MTNR1B: variants seen among roughly 807,000 people sequenced by gnomAD.
MTNR1B encodes the protein melatonin receptor 1B.
MTNR1B carries 7 observed loss-of-function variants against 7.0 expected under a neutral mutation model. The observed-to-expected ratio is 1.00, with a 90% confidence interval of 0.57 to 1.88. The LOEUF is 1.88. Among genes scored for constraint, MTNR1B ranks in the 40% most tolerant of loss-of-function variants. The pLI, the probability that MTNR1B is intolerant of heterozygous loss-of-function variation, is 0.00. For synonymous variants in MTNR1B, 226 were observed against 208.2 expected (o/e 1.09, Z -0.74); for missense variants, 478 against 486.5 (o/e 0.98, Z 0.16).
intron 1 of MTNR1B, among the ~76,000 whole-genome samples, chr11:92,981,043 C>CT (rs1858094787): frequency 6.6e-6 from 1 of 152,190 alleles, no homozygotes; most frequent in South Asian, 2.1e-4. Context: ...GAGAAATCCA[C>CT]ACTCCTGACT....
chr11:92,976,957 C>CT (rs1858017717), intron 1 of MTNR1B, among the ~76,000 whole-genome samples: 1 of 152,338 alleles, frequency 6.6e-6, no homozygotes, highest in East Asian at 1.9e-4. Flanking sequence ...TAAAACTATA[C>CT]TATCAACTTC....
chr11:92,976,269 G>A (rs998569856), intron 1 of MTNR1B, among the ~76,000 whole-genome samples: 22 of 152,250 alleles, frequency 1.4e-4, no homozygotes, highest in African/African-American at 4.8e-4. Flanking sequence ...AGTAGAGATA[G>A]AGAATTGGGA....
intron 1 of MTNR1B, among the ~76,000 whole-genome samples, chr11:92,970,963 A>T (rs1035035333): frequency 2.0e-5 from 3 of 148,016 alleles, no homozygotes; most frequent in Non-Finnish European, 3.0e-5. Context: ...GACTCTAGAA[A>T]TTTTTTTTTT....
chr11:92,969,982 C>G (rs77542877), intron 1 of MTNR1B, 34 bp downstream of exon 1: 1 of 1,563,576 alleles, frequency 6.4e-7, no homozygotes, highest in Non-Finnish European at 8.7e-7. Flanking sequence ...GTGCTGGCAT[C>G]GGGCCCTTCC....
chr11:92,972,734 T>G (rs767276515), intron 1 of MTNR1B: 2 of 351,502 alleles, frequency 5.7e-6, no homozygotes, highest in Non-Finnish European at 5.6e-6. Context: ...GTTGAGAACT[T>G]TCCCTCCTGG....
rs748955086 is a variant in MTNR1B at position 92,969,767 on chromosome 11, C to A, written c.42C>A (p.Gly14=). 1 of 1,517,478 alleles carries A rather than the reference C, an allele frequency of 6.6e-7. No individual in the cohort carries two copies. The highest frequency in any genetic ancestry group is 1.9e-5 in the Admixed American group (1 of 51,476). The allele number at this position is 1,517,478 out of a possible 1,614,324, so 94.0% of individuals were successfully genotyped here. A position where few individuals can be genotyped will look rare whatever the true frequency, so the allele number is the denominator to read the frequency against. The change falls in exon 1 of 2, where the codon GGC becomes GGA. Residue 14 remains glycine (G), a synonymous_variant. Coordinates refer to ENST00000257068, the MANE Select transcript of MTNR1B (RefSeq NM_005959.5). ...CCTTCGCCAACTGCTGCGAGGCGGG[C>A]GGGTGGGCAGTGCGCCCGGGCTGGT... ...NGSFANCCEA[G]GWAVRPGWSG... is the part of the protein sequence containing the mutation.
At chr11:92,984,304 G>A (rs781392301), downstream of MTNR1B, among the ~76,000 whole-genome samples, 4 of 152,120 alleles carry the variant, frequency 2.6e-5, no homozygotes, top group Non-Finnish European at 4.4e-5. Context: ...AGGTTTTGTG[G>A]GGCAGGTCTA....
intron 1 of MTNR1B, among the ~76,000 whole-genome samples, chr11:92,974,158 C>G (rs1343950220): frequency 6.6e-6 from 1 of 152,176 alleles, no homozygotes; most frequent in Non-Finnish European, 1.5e-5. Flanking sequence ...TTGGCTGTGT[C>G]CCTACCCATG....
intron 1 of MTNR1B, among the ~76,000 whole-genome samples, chr11:92,971,763 T>C (rs935509331): frequency 1.3e-5 from 2 of 152,148 alleles, no homozygotes; most frequent in African/African-American, 4.8e-5. Flanking sequence ...CCCTCCTGCA[T>C]CCTACAGAGG....
chr11:92,983,846 G>T (rs1425283911), downstream of MTNR1B, among the ~76,000 whole-genome samples: 1 of 152,138 alleles, frequency 6.6e-6, no homozygotes, highest in African/African-American at 2.4e-5. Flanking sequence ...TGTGGTAAGG[G>T]CTTGATATGC....
At position 92,982,295 on chromosome 11, in the gene MTNR1B, C is replaced by T. The variant is rs2136519827; in HGVS notation, c.1072C>T (p.Gln358Ter). 6.2e-7 allele frequency: 1 copy of T among 1,612,238 alleles called. No individual in the cohort carries two copies. Among genetic ancestry groups the T allele is most frequent in the East Asian group, 2.2e-5 (1 of 44,876 alleles). Reference sequence around the variant, plus strand: ...TCCACCCATCATTGGTGTGCAGCACCAGGCAGATGCTCTCTAGCCTGGATC... The same window carrying T: ...TCCACCCATCATTGGTGTGCAGCACTAGGCAGATGCTCTCTAGCCTGGATC... Reference protein sequence around the residue: ...PAPPIIGVQHQADAL With the variant: ...PAPPIIGVQH The change falls in exon 2 of 2, where the codon CAG (glutamine) becomes TAG (stop). Residue 358 changes from glutamine to a stop codon, truncating the protein, a stop_gained. Coordinates refer to ENST00000257068, the MANE Select transcript of MTNR1B (RefSeq NM_005959.5). LOFTEE classifies it high-confidence loss of function.
In MTNR1B at chr11:92,969,883, T is replaced by A. The variant is rs1395017322; in HGVS notation, c.158T>A (p.Val53Glu). ...LSAVLIVTTA[V>E]DVVGNLLVIL... ...GCGGTGCTCATCGTCACCACCGCCG[T>A]GGACGTCGTGGGCAACCTCCTGGTG... is the stretch of plus-strand genomic sequence containing the variant. Residue 53 changes from valine to glutamate, a missense_variant, in exon 1 of 2, where the codon GTG becomes GAG. Val to Glu is a moderately radical substitution (Grantham distance 121). Transcript: ENST00000257068. The A allele has an allele frequency of 6.2e-7, 1 of 1,612,258 alleles. No individual in the cohort carries two copies. Among genetic ancestry groups the A allele is most frequent in the East Asian group, 2.2e-5 (1 of 44,794 alleles).
At position 92,969,887 on chromosome 11, in the gene MTNR1B, C is replaced by T. The variant is rs774326577; in HGVS notation, c.162C>T (p.Asp54=). 32 of 1,612,196 alleles carry T rather than the reference C, an allele frequency of 2.0e-5. No homozygotes were observed. The highest frequency in any genetic ancestry group is 2.5e-5 in the Non-Finnish European group (30 of 1,179,656). Residue 54 remains aspartate (D), a synonymous_variant, in exon 1 of 2, where the codon GAC becomes GAT. Coordinates refer to ENST00000257068, the MANE Select transcript of MTNR1B (RefSeq NM_005959.5). ...SAVLIVTTAV[D]VVGNLLVILS... ...TGCTCATCGTCACCACCGCCGTGGA[C>T]GTCGTGGGCAACCTCCTGGTGATCC...
chr11:92,970,019 C>G, intron 1 of MTNR1B, 71 bp downstream of exon 1: 1 of 1,415,682 alleles, frequency 7.1e-7, no homozygotes, highest in South Asian at 1.5e-5. Flanking sequence ...TCCCTGACCC[C>G]GGGATATGCG....
intron 1 of MTNR1B, chr11:92,972,514 T>C (rs1365799822): frequency 6.6e-6 from 3 of 456,002 alleles, no homozygotes; most frequent in East Asian, 7.0e-5. Context: ...ACTTCAGAGA[T>C]AGCACCAGAG....
chr11:92,969,738 G>T lies in MTNR1B; in HGVS notation c.13G>T (p.Gly5Cys). The part of the protein sequence containing the change: MSEN[G>C]SFANCCEAGG... ...GGGAGAGTCTGCGATGTCAGAGAAC[G>T]GCTCCTTCGCCAACTGCTGCGAGGC... Residue 5 changes from glycine (G) to cysteine (C), a missense_variant, in exon 1 of 2, where the codon GGC becomes TGC. Physicochemically the swap from Gly to Cys is radical, Grantham distance 159. Transcript: ENST00000257068. 2 of 1,485,030 alleles carry T rather than the reference G, an allele frequency of 1.3e-6. No homozygotes were observed. The highest frequency in any genetic ancestry group is 1.8e-6 in the Non-Finnish European group (2 of 1,116,748). The allele number at this position is 1,485,030 out of a possible 1,614,324, so 92.0% of individuals were successfully genotyped here.
chr11:92,983,914 T>C (rs1247658914), downstream of MTNR1B, among the ~76,000 whole-genome samples: 3 of 152,222 alleles, frequency 2.0e-5, no homozygotes, highest in African/African-American at 7.2e-5. Context: ...TCAATTTTCA[T>C]AGTAAGAAAC....
Position 92,981,518 on chromosome 11 carries a change from G to A in MTNR1B, c.295G>A (p.Val99Met), listed in dbSNP as rs150570442. 2.7e-5 allele frequency: 43 copies of A among 1,614,006 alleles called. No homozygotes were observed. Among genetic ancestry groups the A allele is most frequent in the East Asian group, 8.9e-5 (4 of 44,888 alleles). Reference protein sequence around the residue: ...VAFYPYPLILVAIFYDGWALG... With the variant: ...VAFYPYPLILMAIFYDGWALG... ...CTTCTACCCCTACCCGCTAATCCTC[G>A]TGGCCATCTTCTATGACGGCTGGGC... Residue 99 changes from valine to methionine, a missense_variant, in exon 2 of 2, where the codon GTG becomes ATG. By Grantham distance (21) the Val-to-Met change is conservative. Coordinates refer to ENST00000257068, the MANE Select transcript of MTNR1B (RefSeq NM_005959.5).
In MTNR1B at chr11:92,982,146, A is replaced by G. The variant is rs184917682; in HGVS notation, c.923A>G (p.Tyr308Cys). 8.7e-6 allele frequency: 14 copies of G among 1,614,144 alleles called. No homozygotes were observed. Among genetic ancestry groups the G allele is most frequent in the African/African-American group, 1.3e-5 (1 of 75,042 alleles). ...YFNSCLNAIVYGLLNQNFRRE... is the reference protein window; with the variant it reads ...YFNSCLNAIVCGLLNQNFRRE... The stretch of plus-strand genomic sequence containing the variant: ...AACAGCTGCCTGAATGCCATTGTCT[A>G]TGGGCTCTTGAACCAAAACTTCCGC... Residue 308 changes from tyrosine to cysteine, a missense_variant, in exon 2 of 2, where the codon TAT becomes TGT. Coordinates refer to ENST00000257068, the MANE Select transcript of MTNR1B (RefSeq NM_005959.5).
Sources: gnomAD v4.1 joint callset for allele counts (sites outside exome capture counted in the v4.1 genomes callset) on GRCh38, gnomAD v4.1.1 for gene constraint, MANE v1.5 for transcripts, NCBI Gene and HGNC (gene_info 2026-07-23, HGNC 2026-07-21) for gene names.